Variants in IGFBP3 observed in about 807,000 individuals in gnomAD.
The protein encoded by IGFBP3 is insulin like growth factor binding protein 3, also known as insulin-like growth factor-binding protein 3.
In IGFBP3, 9 loss-of-function variants were observed where a neutral mutation model predicts 28.6. The observed-to-expected ratio is 0.31, with a 90% confidence interval of 0.19 to 0.55. The LOEUF is 0.55. IGFBP3 is among the 20% of genes least tolerant of loss of function. The pLI is 0.93. For synonymous variants in IGFBP3, 185 were observed against 188.2 expected (o/e 0.98, Z 0.14); for missense variants, 382 against 428.9 (o/e 0.89, Z 0.97).
chr7:45,921,081 G>A lies in IGFBP3; in HGVS notation c.60C>T (p.Arg20=), dbSNP rs1784683701. The A allele has an allele frequency of 1.4e-6, 2 of 1,460,080 alleles. No individual in the cohort carries two copies. The highest frequency in any genetic ancestry group is 3.0e-5 in the East Asian group (1 of 33,204). 90.4% of individuals were successfully genotyped at this position (1,460,080 alleles called of 1,614,324 possible). A position where few individuals can be genotyped will look rare whatever the true frequency, so the allele number is the denominator to read the frequency against. Residue 20 remains arginine (R), a synonymous_variant, in exon 1 of 5, where the codon CGC becomes CGT. Transcript: ENST00000613132. ...AAALTLLVLL[R]GPPVARAGAS... is the part of the protein sequence containing the mutation. ...CGCCAGCCCGCGCCACCGGCGGCCC[G>A]CGGAGCAGCACCAGCAGAGTCAGCG... is the stretch of plus-strand genomic sequence containing the variant.
In IGFBP3 at chr7:45,917,238, G is replaced by A; in HGVS notation, c.605C>T (p.Ser202Phe). Reference protein sequence around the residue: ...SQSTDTQNFSSESKRETEYGP... With the variant: ...SQSTDTQNFSFESKRETEYGP... ...ATATTCTGTCTCCCGCTTGGACTCGGAGGAGAAGTTCTGGGTATCTGTGCT... is the reference window on the plus strand; with the variant it reads ...ATATTCTGTCTCCCGCTTGGACTCGAAGGAGAAGTTCTGGGTATCTGTGCT... The change falls in exon 2 of 5, where the codon TCC becomes TTC. Residue 202 changes from serine to phenylalanine, a missense_variant. Transcript: ENST00000613132. The A allele has an allele frequency of 6.2e-7, 1 of 1,613,830 alleles. No homozygotes were observed. The highest frequency in any genetic ancestry group is 8.5e-7 in the Non-Finnish European group (1 of 1,179,784).
intron 1 of IGFBP3, among the ~76,000 whole-genome samples, chr7:45,917,805 C>G (rs1468131847): frequency 2.0e-5 from 3 of 152,188 alleles, no homozygotes; most frequent in African/African-American, 7.2e-5. Flanking sequence ...AGCGCCGGCT[C>G]AGAAATTTTG....
chr7:45,915,213 T>C, intron 3 of IGFBP3: 2 of 397,474 alleles, frequency 5.0e-6, no homozygotes, highest in Non-Finnish European at 4.7e-6. Flanking sequence ...ACACCAGCCC[T>C]TGTAGAACCT....
chr7:45,916,485 T>G, intron 3 of IGFBP3, 63 bp downstream of exon 3: 1 of 1,547,562 alleles, frequency 6.5e-7, no homozygotes, highest in African/African-American at 1.4e-5. Flanking sequence ...TGGGGGCTGG[T>G]GAGATGGGTT....
intron 3 of IGFBP3, 99 bp downstream of exon 3, chr7:45,916,449 G>T: frequency 7.9e-7 from 1 of 1,260,308 alleles, no homozygotes; most frequent in Non-Finnish European, 1.1e-6. Context: ...CACAGGCTCA[G>T]AGTTAGAGCT....
rs761068653 is a variant in IGFBP3, at chr7:45,921,048, C to A, written c.93G>T (p.Ser31=). ...GPPVARAGAS[S]AGLGPVVRCE... The stretch of plus-strand genomic sequence containing the variant: ...AGCGCACCACGGGACCCAAGCCCGC[C>A]GAGCTCGCGCCAGCCCGCGCCACCG... Residue 31 remains serine (S), a synonymous_variant, in exon 1 of 5, where the codon TCG becomes TCT. Transcript: ENST00000613132. The A allele has an allele frequency of 7.0e-5, 101 of 1,443,854 alleles. No homozygotes were observed. Among genetic ancestry groups the A allele is most frequent in the Non-Finnish European group, 2.0e-5 (22 of 1,106,100 alleles). 89.4% of individuals were successfully genotyped at this position (1,443,854 alleles called of 1,614,324 possible).
intron 1 of IGFBP3, 121 bp downstream of exon 1, chr7:45,920,617 A>G (rs900167349): frequency 9.8e-7 from 1 of 1,015,932 alleles, no homozygotes; most frequent in East Asian, 3.3e-5. Flanking sequence ...CAGTTTCCCC[A>G]CATATTATCT....
chr7:45,915,719 A>T (rs185471780), intron 3 of IGFBP3, among the ~76,000 whole-genome samples: 4 of 152,328 alleles, frequency 2.6e-5, no homozygotes, highest in Admixed American at 1.3e-4. Context: ...GAATGGGACT[A>T]TGTTGCAATA....
chr7:45,913,892 C>CGACT (rs1784575165), intron 4 of IGFBP3, 58 bp from the exon 5 acceptor site: 2 of 152,146 alleles, frequency 1.3e-5, no homozygotes, highest in African/African-American at 4.8e-5. Context: ...CAAAAGGGCT[C>CGACT]GACTCTTGCC....
intron 1 of IGFBP3, among the ~76,000 whole-genome samples, chr7:45,919,268 T>C (rs984410653): frequency 4.6e-5 from 7 of 152,208 alleles, no homozygotes; most frequent in Non-Finnish European, 1.0e-4. Context: ...ACAGTGCTAC[T>C]AAGGTGGTAA....
At chr7:45,918,558 G>C (rs1335580063) in intron 1 of IGFBP3, among the ~76,000 whole-genome samples, 2 of 152,188 alleles carry the variant, frequency 1.3e-5, no homozygotes, top group Admixed American at 1.3e-4. Flanking sequence ...CCATGCCAAG[G>C]TCTGGAGGCA....
At chr7:45,914,739 GC>G in intron 4 of IGFBP3, 65 bp downstream of exon 4, 2 of 1,523,064 alleles carry the variant, frequency 1.3e-6, no homozygotes, top group East Asian at 4.6e-5. Flanking sequence ...GCCACGCCCA[GC>G]CCCTGAGGCT....
Position 45,917,233 on chromosome 7 carries a change from A to G in IGFBP3, c.610T>C (p.Ser204Pro). ...STDTQNFSSE[S>P]KRETEYGPCR... ...CTCACATATTCTGTCTCCCGCTTGG[A>G]CTCGGAGGAGAAGTTCTGGGTATCT... The change falls in exon 2 of 5, where the codon TCC becomes CCC. Residue 204 changes from serine to proline, a missense_variant. Transcript: ENST00000613132. 6.2e-7 allele frequency: 1 copy of G among 1,613,360 alleles called. No individual in the cohort carries two copies. The highest frequency in any genetic ancestry group is 1.1e-5 in the South Asian group (1 of 91,068).
At position 45,921,175 on chromosome 7, in the gene IGFBP3, TG is replaced by T; in HGVS notation, c.-36del. ...AACCGGGGCACGCTGCTTGGCAGGCTGGGCGCGCAGGGATGGGGCGACAGTA... is the reference window on the plus strand; with the variant it reads ...AACCGGGGCACGCTGCTTGGCAGGCTGGCGCGCAGGGATGGGGCGACAGTA... On this transcript the variant is annotated 5_prime_UTR_variant, in exon 1 of 5. Coordinates refer to ENST00000613132, the MANE Select transcript of IGFBP3 (RefSeq NM_000598.5). 1.3e-6 allele frequency: 2 copies of T among 1,504,522 alleles called. No homozygotes were observed. Among genetic ancestry groups the T allele is most frequent in the South Asian group, 1.2e-5 (1 of 82,522 alleles). The allele number at this position is 1,504,522 out of a possible 1,614,324, so 93.2% of individuals were successfully genotyped here. A position where few individuals can be genotyped will look rare whatever the true frequency, so the allele number is the denominator to read the frequency against.
rs1784572347 is a variant in IGFBP3 at position 45,913,620 on chromosome 7, T to C, written c.*230A>G. The C allele has an allele frequency of 6.6e-6, 1 of 152,164 alleles. No individual in the cohort carries two copies. The highest frequency in any genetic ancestry group is 1.5e-5 in the Non-Finnish European group (1 of 68,040). 9.4% of individuals were successfully genotyped at this position (152,164 alleles called of 1,614,324 possible). A position where few individuals can be genotyped will look rare whatever the true frequency, so the allele number is the denominator to read the frequency against. ...TTTTGATAGGAAGCGACAAGAAAAT[T>C]CAAACTGCTCTTTGCTGACTACTGG... On this transcript the variant is annotated 3_prime_UTR_variant, in exon 5 of 5. Transcript: ENST00000613132.
In IGFBP3 at chr7:45,914,919, C is replaced by T. The variant is rs749717545; in HGVS notation, c.777G>A (p.Arg259=). 3.7e-6 allele frequency: 6 copies of T among 1,614,136 alleles called. No homozygotes were observed. Among genetic ancestry groups the T allele is most frequent in the Non-Finnish European group, 4.2e-6 (5 of 1,180,010 alleles). ...ACTTATCCACACACCAGCAGAAGCC[C>T]CGCTTCCTGCCTTTGGAAGGGCGAC... ...KQCRPSKGRK[R]GFCWCVDKYG... is the part of the protein sequence containing the mutation. Residue 259 remains arginine, a synonymous_variant, in exon 4 of 5, where the codon CGG becomes CGA. Coordinates refer to ENST00000613132, the MANE Select transcript of IGFBP3 (RefSeq NM_000598.5).
chr7:45,915,128 T>C (rs772203280), intron 3 of IGFBP3, 183 bp from the exon 4 acceptor site: 7 of 602,508 alleles, frequency 1.2e-5, no homozygotes, highest in African/African-American at 1.9e-5. Flanking sequence ...CGCCTGTGCA[T>C]GCGTGTGGGT....
At chr7:45,914,625 T>C in intron 4 of IGFBP3, 180 bp downstream of exon 4, 1 of 535,202 alleles carries the variant, frequency 1.9e-6, no homozygotes, top group East Asian at 3.4e-5. Context: ...GTTGATGGGG[T>C]CTCCCTCTCC....
At chr7:45,915,141 A>T (rs1443286933) in intron 3 of IGFBP3, 196 bp from the exon 4 acceptor site, 1 of 569,218 alleles carries the variant, frequency 1.8e-6, no homozygotes, top group East Asian at 3.2e-5. Flanking sequence ...GTGTGGGTGT[A>T]ACTTCCTGCT....
Sources: allele counts gnomAD v4.1 joint callset (sites outside exome capture counted in the v4.1 genomes callset), GRCh38; gene constraint gnomAD v4.1.1; transcripts MANE v1.5; gene names NCBI Gene and HGNC (gene_info 2026-07-23, HGNC 2026-07-21).